Variants in GIGYF2 observed in about 807,000 individuals in gnomAD.
The protein encoded by GIGYF2 is GRB10-interacting GYF protein 2.
A neutral mutation model predicts 208.1 loss-of-function variants in GIGYF2; 25 were observed. The observed-to-expected ratio is 0.12, with a 90% CI of 0.09 to 0.17. The LOEUF (loss-of-function observed/expected upper bound fraction) is 0.17. GIGYF2 is among the 10% of genes least tolerant of loss of function. GIGYF2 has a pLI of 1.00. For synonymous variants in GIGYF2, 534 were observed against 543.8 expected (o/e 0.98, Z 0.25); for missense variants, 1,302 against 1,579.4 (o/e 0.82, Z 2.98).
At chr2:232,805,878 T>C (rs1189945115) in intron 14 of GIGYF2, among the ~76,000 whole-genome samples, 1 of 152,228 alleles carries the variant, frequency 6.6e-6, no homozygotes, top group East Asian at 1.9e-4. Flanking sequence ...ATCCCTACTG[T>C]CTATGTCATA....
intron 14 of GIGYF2, among the ~76,000 whole-genome samples, chr2:232,798,977 G>A (rs1054065994): frequency 9.8e-4 from 148 of 150,786 alleles, no homozygotes; most frequent in African/African-American, 3.5e-3. Flanking sequence ...GGGACTGGAG[G>A]AAATCTGTTT....
At chr2:232,729,543 C>T in intron 2 of GIGYF2, 1 of 1,335,688 alleles carries the variant, frequency 7.5e-7, no homozygotes. Flanking sequence ...TTGAAAGCAG[C>T]CACATCCATG....
intron 3 of GIGYF2, among the ~76,000 whole-genome samples, chr2:232,745,206 C>A (rs552816164): frequency 6.6e-6 from 1 of 152,042 alleles, no homozygotes; most frequent in Non-Finnish European, 1.5e-5. Context: ...GACCTCCAAG[C>A]CCAAGAATAT....
At chr2:232,817,097 T>C (rs1477160528) in intron 20 of GIGYF2, 65 bp downstream of exon 20, 46 of 1,201,084 alleles carry the variant, frequency 3.8e-5, no homozygotes, top group Non-Finnish European at 5.7e-5. Flanking sequence ...CTGCTTTCTT[T>C]CATCATTTCA....
chr2:232,790,549 A>T, intron 9 of GIGYF2, 149 bp from the exon 10 acceptor site: 1 of 742,046 alleles, frequency 1.3e-6, no homozygotes, highest in Admixed American at 1.9e-5. Flanking sequence ...TCTGAACTTC[A>T]TTTAGTTGCC....
chr2:232,826,359 C>A (rs973986770), intron 21 of GIGYF2, among the ~76,000 whole-genome samples: 1 of 152,218 alleles, frequency 6.6e-6, no homozygotes, highest in Non-Finnish European at 1.5e-5. Flanking sequence ...TCCTCTCTAG[C>A]ATCTGTTGTT....
chr2:232,815,497 A>G, intron 18 of GIGYF2, 140 bp from the exon 19 acceptor site: 1 of 698,534 alleles, frequency 1.4e-6, no homozygotes, highest in Non-Finnish European at 2.7e-6. Flanking sequence ...TTGGCAGTTC[A>G]GTCTTCTCAG....
rs1701472468 is a variant in GIGYF2, at chr2:232,833,029, A to C, written c.2702A>C (p.Gln901Pro). Reference sequence around the variant, plus strand: ...AAGGAGTTAATGCGCCAGAGGCAGCAGCAGCAAGAGGCTCTCCGGAGGTTG... The same window carrying C: ...AAGGAGTTAATGCGCCAGAGGCAGCCGCAGCAAGAGGCTCTCCGGAGGTTG... ...RQKELMRQRQ[Q>P]QQEALRRLQQ... is the part of the protein sequence containing the mutation. Residue 901 changes from glutamine (Q) to proline (P), a missense_variant, in exon 22 of 29, where the codon CAG becomes CCG. This residue lies in a region of GIGYF2 where 701 missense variants were observed against 793.0 expected (regional missense o/e 0.88). Coordinates refer to ENST00000373563, the MANE Select transcript of GIGYF2 (RefSeq NM_001103146.3). 11 of 1,563,718 alleles carry C rather than the reference A, an allele frequency of 7.0e-6. No individual in the cohort carries two copies. The highest frequency in any genetic ancestry group is 9.5e-6 in the Non-Finnish European group (11 of 1,153,686).
chr2:232,801,728 C>T (rs532009101), intron 14 of GIGYF2, among the ~76,000 whole-genome samples: 2 of 152,238 alleles, frequency 1.3e-5, no homozygotes, highest in African/African-American at 4.8e-5. Context: ...TGCTATTTTT[C>T]AAGAAAGAAA....
intron 12 of GIGYF2, 151 bp downstream of exon 12, chr2:232,791,597 A>G (rs2106364728): frequency 2.7e-6 from 2 of 742,742 alleles, no homozygotes; most frequent in Non-Finnish European, 4.7e-6. Context: ...CCAGTCAAAC[A>G]GTGCTTCTCA....
rs1574809908 is a variant in GIGYF2 at position 232,730,257 on chromosome 2, C to T, written c.-43-4898C>T. 19 of 826,442 alleles carry T rather than the reference C, an allele frequency of 2.3e-5. 1 individual carries two copies. Among genetic ancestry groups the T allele is most frequent in the African/African-American group, 1.0e-4 (6 of 58,514 alleles). 51.2% of individuals were successfully genotyped at this position (826,442 alleles called of 1,614,324 possible). ...AGAAAGAGCTCAAGTTGTGGGCACC[C>T]TGTGCTGAAAGAGGAAAAAAATATT... On this transcript the variant is annotated intron_variant, in intron 2 of 28. Coordinates refer to ENST00000373563, the MANE Select transcript of GIGYF2 (RefSeq NM_001103146.3).
chr2:232,750,503 G>A (rs1282446860), intron 5 of GIGYF2, among the ~76,000 whole-genome samples: 1 of 152,156 alleles, frequency 6.6e-6, no homozygotes, highest in African/African-American at 2.4e-5. Context: ...AAGTGATACG[G>A]TTCTGTACTT....
chr2:232,706,526 C>T (rs1352827546), intron 2 of GIGYF2, among the ~76,000 whole-genome samples: 1 of 152,130 alleles, frequency 6.6e-6, no homozygotes, highest in Non-Finnish European at 1.5e-5. Context: ...GCCTGTAATC[C>T]CATCCATTTG....
At chr2:232,721,862 C>T (rs148496863) in intron 2 of GIGYF2, among the ~76,000 whole-genome samples, 2 of 152,282 alleles carry the variant, frequency 1.3e-5, no homozygotes, top group Non-Finnish European at 2.9e-5. Context: ...CTGGTCCTCC[C>T]ATGTTCCTGG....
At chr2:232,701,931 G>T (rs559103109) in intron 1 of GIGYF2, among the ~76,000 whole-genome samples, 1 of 152,266 alleles carries the variant, frequency 6.6e-6, no homozygotes, top group South Asian at 2.1e-4. Flanking sequence ...ACTTTGGGAG[G>T]CTGAGGTAGG....
intron 15 of GIGYF2, 138 bp from the exon 16 acceptor site, chr2:232,809,582 C>T: frequency 1.5e-6 from 1 of 662,944 alleles, no homozygotes; most frequent in Admixed American, 2.4e-5. Context: ...AGTTTTTATT[C>T]AAGTGTTTGG....
intron 14 of GIGYF2, 91 bp downstream of exon 14, chr2:232,796,312 A>G: frequency 1.1e-6 from 1 of 885,252 alleles, no homozygotes; most frequent in Non-Finnish European, 1.9e-6. Flanking sequence ...AAATTATAGT[A>G]GAAAAAGAAG....
At chr2:232,852,374 C>T (rs1023733588) in intron 28 of GIGYF2, among the ~76,000 whole-genome samples, 25 of 151,990 alleles carry the variant, frequency 1.6e-4, no homozygotes, top group African/African-American at 4.1e-4. Context: ...GGTGAAACCT[C>T]GTCTCTAGTA....
chr2:232,741,630 G>A (rs1043244102), intron 3 of GIGYF2, among the ~76,000 whole-genome samples: 1 of 151,998 alleles, frequency 6.6e-6, no homozygotes, highest in African/African-American at 2.4e-5. Context: ...TTTTAGTAGA[G>A]ATGGAGCTTT....
Sources: gnomAD v4.1 joint callset for allele counts (sites outside exome capture counted in the v4.1 genomes callset) on GRCh38, gnomAD v4.1.1 for gene constraint, gnomAD v4.1.1 regional missense constraint, MANE v1.5 for transcripts, NCBI Gene and HGNC (gene_info 2026-07-23, HGNC 2026-07-21) for gene names.